KNDC1: variants seen among roughly 807,000 people sequenced by gnomAD.
KNDC1 encodes the protein kinase non-catalytic C-lobe domain-containing protein 1.
A neutral mutation model predicts 172.8 loss-of-function variants in KNDC1; 106 were observed. That is an observed-to-expected ratio of 0.61 (90% CI 0.52 to 0.72). The LOEUF (loss-of-function observed/expected upper bound fraction) is 0.72, where lower values mean the gene tolerates loss of function less well. KNDC1 is among the 30% of genes least tolerant of loss of function. The pLI is 0.00. For missense variants in KNDC1, 2,325 were observed against 2,394.5 expected (o/e 0.97, Z 0.61); for synonymous variants, 1,083 against 1,062.2 (o/e 1.02, Z -0.38).
At chr10:133,175,674 G>C (rs1350920544) in intron 3 of KNDC1, among the ~76,000 whole-genome samples, 1 of 149,488 alleles carries the variant, frequency 6.7e-6, no homozygotes, top group Non-Finnish European at 1.5e-5. Flanking sequence ...TGGAGGATGG[G>C]TAGGTGGGTG....
In KNDC1 at chr10:133,211,671, C is replaced by T; in HGVS notation, c.4057-8C>T. ...CAGTGACCCCCCCACCACTGTGCTT[C>T]TGCCTAGATCCTACCCCTGGACGGC... is the stretch of plus-strand genomic sequence containing the variant. On this transcript the variant is annotated splice_region_variant and splice_polypyrimidine_tract_variant and intron_variant, in intron 22 of 29. Transcript: ENST00000304613. 6.3e-7 allele frequency: 1 copy of T among 1,588,778 alleles called. No individual in the cohort carries two copies. The highest frequency in any genetic ancestry group is 1.1e-5 in the South Asian group (1 of 88,898).
In KNDC1 at chr10:133,198,558, G is replaced by A. The variant is rs772523344; in HGVS notation, c.2070-20G>A. 2.5e-6 allele frequency: 4 copies of A among 1,579,710 alleles called. No individual in the cohort carries two copies. The African/African-American group carries it at 5.4e-5, about 21-fold the overall frequency. On this transcript the variant is annotated intron_variant, in intron 13 of 29. Coordinates refer to ENST00000304613, the MANE Select transcript of KNDC1 (RefSeq NM_152643.8). ...GTCCCGGGCGCAGGCAGCCCCTCCT[G>A]AGCTCTGCTCCTCCCGTAGGGACCA...
chr10:133,198,822 G>C lies in KNDC1; in HGVS notation c.2314G>C (p.Gly772Arg), dbSNP rs768116786. The stretch of plus-strand genomic sequence containing the variant: ...CCAGGCCCCAGCAAACCAGCCAGAG[G>C]GGGCCTCATCGGCAGCTCCCGGCTC... ...PPQAPANQPE[G>R]ASSAAPGSPV... Residue 772 changes from glycine (G) to arginine (R), a missense_variant, in exon 14 of 30, where the codon GGG (glycine) becomes CGG (arginine). Transcript: ENST00000304613. 8.1e-6 allele frequency: 13 copies of C among 1,600,002 alleles called. No homozygotes were observed. The Middle Eastern group carries it at 5.1e-4, about 62-fold the overall frequency.
At chr10:133,213,216 G>A (rs568753627) in intron 24 of KNDC1, among the ~76,000 whole-genome samples, 42 of 152,344 alleles carry the variant, frequency 2.8e-4, no homozygotes, top group African/African-American at 9.6e-4. Context: ...TGCCCTGAGG[G>A]CCGCATGGGG....
At chr10:133,213,128 G>A (rs1433319089) in intron 24 of KNDC1, among the ~76,000 whole-genome samples, 1 of 152,036 alleles carries the variant, frequency 6.6e-6, no homozygotes, top group East Asian at 1.9e-4. Flanking sequence ...GCAAAGCTGA[G>A]TCCTCCTCTC....
intron 17 of KNDC1, among the ~76,000 whole-genome samples, chr10:133,204,503 G>C (rs765531806): frequency 2.0e-4 from 30 of 152,122 alleles, no homozygotes; most frequent in Non-Finnish European, 4.1e-4. Context: ...TTACGCAGCT[G>C]GGACACTGCC....
At chr10:133,173,558 T>A (rs1183747027) in intron 3 of KNDC1, among the ~76,000 whole-genome samples, 7 of 152,228 alleles carry the variant, frequency 4.6e-5, no homozygotes, top group Non-Finnish European at 1.0e-4. Flanking sequence ...TGTGAACAGA[T>A]TGGTTTTTTC....
In KNDC1 at chr10:133,200,447, G is replaced by C; in HGVS notation, c.2976G>C (p.Ser992=). ...SPRSPSSKRP[S]LHRLGKEKPA... is the part of the protein sequence containing the mutation. The stretch of plus-strand genomic sequence containing the variant: ...GCTCCCCGTCCAGCAAGAGGCCGTC[G>C]CTGCACCGCCTGGGTAAGTGCTGGG... Residue 992 remains serine, a synonymous_variant, in exon 16 of 30, where the codon TCG becomes TCC. Coordinates refer to ENST00000304613, the MANE Select transcript of KNDC1 (RefSeq NM_152643.8). The C allele has an allele frequency of 1.9e-6, 3 of 1,585,624 alleles. No homozygotes were observed. Among genetic ancestry groups the C allele is most frequent in the Non-Finnish European group, 2.6e-6 (3 of 1,167,562 alleles).
chr10:133,167,270 C>A, intron 1 of KNDC1, 111 bp from the exon 2 acceptor site: 1 of 1,016,988 alleles, frequency 9.8e-7, no homozygotes, highest in South Asian at 1.5e-5. Flanking sequence ...CTGACCCACG[C>A]GTTGAAACGC....
In KNDC1 at chr10:133,223,266, T is replaced by G. The variant is rs75831563; in HGVS notation, c.5019-1393T>G. Among the ~76,000 whole-genome samples, 33 of 16,406 alleles carry G rather than the reference T, an allele frequency of 2.0e-3. 5 individuals carry two copies. The highest frequency in any genetic ancestry group is 3.1e-3 in the African/African-American group (31 of 9,898). The allele number at this position is 16,406 out of a possible 152,430, so 10.8% of individuals were successfully genotyped here. A position where few individuals can be genotyped will look rare whatever the true frequency, so the allele number is the denominator to read the frequency against. ...GAGAGCCCATCCAGGCATGCTCTTC[T>G]CGGCATGTGTGTGTGTGTGTGTGTG... On this transcript the variant is annotated intron_variant, in intron 29 of 29. Transcript: ENST00000304613.
At chr10:133,183,026 G>A (rs1205283347) in intron 3 of KNDC1, among the ~76,000 whole-genome samples, 1 of 148,616 alleles carries the variant, frequency 6.7e-6, no homozygotes, top group Non-Finnish European at 1.5e-5. Context: ...TGGCATGGGT[G>A]CGAGCAGCAT....
chr10:133,192,965 G>A (rs1287615927), intron 9 of KNDC1, among the ~76,000 whole-genome samples: 3 of 151,804 alleles, frequency 2.0e-5, no homozygotes, highest in East Asian at 3.9e-4. Context: ...CCCCAAACAT[G>A]ATCAATGCAA....
At position 133,192,378 on chromosome 10, in the gene KNDC1, T is replaced by C. The variant is rs73388537; in HGVS notation, c.1575+2565T>C. ...ACAATCATCTGATCTTTGACAGAGC[T>C]GACAAAATCAAGCAATGGGGAAGGA... On this transcript the variant is annotated intron_variant, in intron 9 of 29. Coordinates refer to ENST00000304613, the MANE Select transcript of KNDC1 (RefSeq NM_152643.8). Among the ~76,000 whole-genome samples the C allele has an allele frequency of 8.6e-3, 1,315 of 152,250 alleles. 16 individuals carry two copies. The highest frequency in any genetic ancestry group is 0.026 in the African/African-American group (1,097 of 41,530).
At chr10:133,199,957 A>G (rs907262787) in intron 15 of KNDC1, among the ~76,000 whole-genome samples, 8 of 151,478 alleles carry the variant, frequency 5.3e-5, no homozygotes, top group Non-Finnish European at 5.9e-5. Context: ...AGGTGAAGAG[A>G]CTCCCAAACA....
Position 133,211,519 on chromosome 10 carries a change from C to T in KNDC1, c.4006C>T (p.Pro1336Ser). 1 of 1,614,030 alleles carries T rather than the reference C, an allele frequency of 6.2e-7. No individual in the cohort carries two copies. The highest frequency in any genetic ancestry group is 2.2e-5 in the East Asian group (1 of 44,878). The change falls in exon 22 of 30, where the codon CCT (proline) becomes TCT (serine). Residue 1336 changes from proline to serine, a missense_variant. Transcript: ENST00000304613. ...GGAGGACTGCTACGCTGTGGACTTC[C>T]CTCGGAACAGCGGGCTGCTGGGGAA... Reference protein sequence around the residue: ...WVEDCYAVDFPRNSGLLGKLE... With the variant: ...WVEDCYAVDFSRNSGLLGKLE...
At chr10:133,222,139 C>A (rs1009067262) in intron 29 of KNDC1, among the ~76,000 whole-genome samples, 3 of 150,326 alleles carry the variant, frequency 2.0e-5, no homozygotes, top group Non-Finnish European at 4.4e-5. Flanking sequence ...AAAAATTAGC[C>A]GGGCGCGGTG....
At chr10:133,177,878 G>A (rs959763737) in intron 3 of KNDC1, among the ~76,000 whole-genome samples, 2 of 148,900 alleles carry the variant, frequency 1.3e-5, no homozygotes, top group African/African-American at 5.0e-5. Context: ...GTGTAGCATG[G>A]TGTGTGTGTA....
intron 29 of KNDC1, 111 bp downstream of exon 29, chr10:133,220,223 A>G: frequency 1.9e-6 from 1 of 532,686 alleles, no homozygotes; most frequent in Non-Finnish European, 2.9e-6. Flanking sequence ...GGAGGGGCTC[A>G]GGCGGCCGCG....
At chr10:133,200,022 G>A (rs560668196) in intron 15 of KNDC1, among the ~76,000 whole-genome samples, 6 of 152,192 alleles carry the variant, frequency 3.9e-5, no homozygotes, top group Non-Finnish European at 7.4e-5. Flanking sequence ...TGGGGCGGCG[G>A]CCACCCCACA....
Sources: allele counts gnomAD v4.1 joint callset (sites outside exome capture counted in the v4.1 genomes callset), GRCh38; gene constraint gnomAD v4.1.1; transcripts MANE v1.5; gene names NCBI Gene and HGNC (gene_info 2026-07-23, HGNC 2026-07-21).